The following TMC1 variants were observed in gnomAD, a reference collection of about 807,000 sequenced individuals.
TMC1 encodes transmembrane channel like 1, also known as transmembrane channel-like protein 1.
Under a neutral mutation model 105.8 loss-of-function variants are expected in TMC1, and 84 were observed. That is an observed-to-expected ratio of 0.79 (90% CI 0.67 to 0.95). The LOEUF (loss-of-function observed/expected upper bound fraction) is 0.95. TMC1 is among the 40% of genes least tolerant of loss of function. TMC1 has a pLI of 0.00. For synonymous variants in TMC1, 315 were observed against 311.5 expected (o/e 1.01, Z -0.12); for missense variants, 817 against 914.1 (o/e 0.89, Z 1.37).
intron 8 of TMC1, among the ~76,000 whole-genome samples, chr9:72,717,489 G>C (rs962093856): frequency 6.6e-6 from 1 of 152,140 alleles, no homozygotes; most frequent in Non-Finnish European, 1.5e-5. Context: ...AGTTCTTATA[G>C]TGCTGGCTTG....
chr9:72,717,320 C>G (rs976231551), intron 8 of TMC1, among the ~76,000 whole-genome samples: 15 of 152,132 alleles, frequency 9.9e-5, no homozygotes, highest in Non-Finnish European at 1.3e-4. Flanking sequence ...AGGTACTATT[C>G]TATTCATCAT....
rs1454933683 is a variant in TMC1 at position 72,688,631 on chromosome 9, A to G, written c.17-78A>G. The G allele has an allele frequency of 3.0e-6, 4 of 1,329,554 alleles. No homozygotes were observed. The African/African-American group carries it at 5.9e-5, about 20-fold the overall frequency. 82.4% of individuals were successfully genotyped at this position (1,329,554 alleles called of 1,614,324 possible). A position where few individuals can be genotyped will look rare whatever the true frequency, so the allele number is the denominator to read the frequency against. ...ACTGCACAAAAACATTATGATAAAA[A>G]CAATAAAAGTAAAAACCACTTACTA... On this transcript the variant is annotated intron_variant, in intron 5 of 23. Coordinates refer to ENST00000297784, the MANE Select transcript of TMC1 (RefSeq NM_138691.3).
At chr9:72,806,504 C>T (rs187202256) in intron 18 of TMC1, among the ~76,000 whole-genome samples, 21 of 148,494 alleles carry the variant, frequency 1.4e-4, no homozygotes, top group Non-Finnish European at 2.1e-4. Context: ...ATTTCTCAGA[C>T]GGGGCGGCTG....
At chr9:72,704,486 A>G (rs1264786643) in intron 8 of TMC1, among the ~76,000 whole-genome samples, 5 of 152,168 alleles carry the variant, frequency 3.3e-5, no homozygotes, top group Admixed American at 2.6e-4. Flanking sequence ...ACCCGAGCAC[A>G]CTCAGGGCTT....
At chr9:72,612,396 A>G in intron 2 of TMC1, among the ~76,000 whole-genome samples, 1 of 149,556 alleles carries the variant, frequency 6.7e-6, no homozygotes, top group Admixed American at 6.7e-5. Context: ...CTGGTCTTGA[A>G]CTCCTGGGCT....
chr9:72,835,838 C>T, intron 23 of TMC1, 113 bp from the exon 24 acceptor site: 5 of 1,209,982 alleles, frequency 4.1e-6, no homozygotes, highest in Non-Finnish European at 5.8e-6. Context: ...TTTCTGGCCA[C>T]CTCATTCAGA....
intron 11 of TMC1, among the ~76,000 whole-genome samples, chr9:72,753,286 C>CTT (rs5898269): frequency 0.21 from 16,816 of 80,656 alleles, 1,867 homozygotes; most frequent in African/African-American, 0.32. Flanking sequence ...TTAACCCCAG[C>CTT]TTTTTTTTTT....
chr9:72,544,042 C>G (rs1398315061), intron 1 of TMC1, among the ~76,000 whole-genome samples: 2 of 150,570 alleles, frequency 1.3e-5, no homozygotes, highest in Non-Finnish European at 2.9e-5. Flanking sequence ...ACCTCTGCCT[C>G]CCGGGTTAAA....
Position 72,614,089 on chromosome 9 carries a change from A to G in TMC1, c.-305-2279A>G, listed in dbSNP as rs1825081266. On this transcript the variant is annotated intron_variant, in intron 2 of 23. Transcript: ENST00000297784. ...ACTATTGAACCTGAGCAGAACTGCA[A>G]CGTTGGTATTCTTGAACTGAACTGA... is the stretch of plus-strand genomic sequence containing the variant. Among the ~76,000 whole-genome samples, 4 of 152,200 alleles carry G rather than the reference A, an allele frequency of 2.6e-5. No individual in the cohort carries two copies. The South Asian group carries it at 8.3e-4, about 32-fold the overall frequency.
At chr9:72,573,983 T>A in intron 1 of TMC1, among the ~76,000 whole-genome samples, 1 of 152,302 alleles carries the variant, frequency 6.6e-6, no homozygotes, top group Non-Finnish European at 1.5e-5. Context: ...TGTTGTTTTC[T>A]TCTTTGTGTT....
At chr9:72,594,565 C>T (rs1414589824) in intron 2 of TMC1, among the ~76,000 whole-genome samples, 1 of 152,170 alleles carries the variant, frequency 6.6e-6, no homozygotes, top group East Asian at 1.9e-4. Flanking sequence ...CATGCCACAT[C>T]AGCAAATTTT....
chr9:72,616,099 A>C (rs887917987), intron 2 of TMC1, among the ~76,000 whole-genome samples: 5 of 152,164 alleles, frequency 3.3e-5, no homozygotes, highest in African/African-American at 1.2e-4. Context: ...CCACTGCTAA[A>C]ACAGAGAATA....
chr9:72,818,117 T>G (rs895218613), intron 19 of TMC1, among the ~76,000 whole-genome samples: 12 of 152,124 alleles, frequency 7.9e-5, no homozygotes, highest in Non-Finnish European at 1.0e-4. Context: ...TGCACAAAGG[T>G]CCTCACACAC....
At chr9:72,832,693 CCTCT>C (rs971804413) in intron 23 of TMC1, among the ~76,000 whole-genome samples, 3 of 151,672 alleles carry the variant, frequency 2.0e-5, no homozygotes, top group Non-Finnish European at 4.4e-5. Flanking sequence ...TTTTCTTTTC[CCTCT>C]CTCTATCTAG....
intron 2 of TMC1, among the ~76,000 whole-genome samples, chr9:72,579,218 C>T (rs79823302): frequency 0.054 from 8,148 of 152,228 alleles, 304 homozygotes; most frequent in Non-Finnish European, 0.083. Flanking sequence ...TTAATATACT[C>T]CCCTTTCTTA....
chr9:72,754,774 T>C lies in TMC1; in HGVS notation c.643-12T>C. On this transcript the variant is annotated splice_polypyrimidine_tract_variant and intron_variant, in intron 11 of 23. Transcript: ENST00000297784. ...TCTAATTGTTCACTGCTTTCTTTGC[T>C]TCTTCATACAGTACCTCTGGGGTTT... 6.2e-7 allele frequency: 1 copy of C among 1,604,002 alleles called. No homozygotes were observed. Among genetic ancestry groups the C allele is most frequent in the Non-Finnish European group, 8.5e-7 (1 of 1,170,842 alleles).
rs747884936 is a variant in TMC1, at chr9:72,530,462, C to T, written c.-428+8549C>T. On this transcript the variant is annotated intron_variant, in intron 1 of 23. Coordinates refer to ENST00000297784, the MANE Select transcript of TMC1 (RefSeq NM_138691.3). ...AAGTGCTGGGATTACAGGTGTGAGC[C>T]ACCAGCAGTCCCAGCTACTCAGGAG... Among the ~76,000 whole-genome samples the T allele has an allele frequency of 5.1e-4, 78 of 152,158 alleles. 1 individual carries two copies. In the Middle Eastern group the frequency reaches 0.017, roughly 33 times the overall value.
chr9:72,534,737 A>G (rs1823551373), intron 1 of TMC1, among the ~76,000 whole-genome samples: 1 of 152,228 alleles, frequency 6.6e-6, no homozygotes, highest in Non-Finnish European at 1.5e-5. Context: ...CAGAACTGAA[A>G]TCACAAGATT....
At position 72,707,719 on chromosome 9, in the gene TMC1, C is replaced by T. The variant is rs552482472; in HGVS notation, c.362+7076C>T. On this transcript the variant is annotated intron_variant, in intron 8 of 23. Transcript: ENST00000297784. ...TCCCTCTCTGTGGGTTGTCTGTTTA[C>T]TCTGCTGACTGTTCCCTTTGCTGTG... 2.0e-3 allele frequency among the ~76,000 whole-genome samples: 304 copies of T among 152,258 alleles called. 2 individuals carry two copies. The highest frequency in any genetic ancestry group is 7.1e-3 in the African/African-American group (296 of 41,554).
Sources: allele counts gnomAD v4.1 joint callset (sites outside exome capture counted in the v4.1 genomes callset), GRCh38; gene constraint gnomAD v4.1.1; transcripts MANE v1.5; gene names NCBI Gene and HGNC (gene_info 2026-07-23, HGNC 2026-07-21).